Variants in CDH10 observed in about 807,000 individuals in gnomAD.
CDH10 encodes cadherin 10.
A neutral mutation model predicts 73.1 loss-of-function variants in CDH10; 30 were observed. The observed-to-expected ratio is 0.41, with a 90% CI of 0.31 to 0.56. CDH10 has a LOEUF of 0.56. Among genes scored for constraint, CDH10 ranks in the 20% least tolerant of loss-of-function variants. The pLI, the probability that CDH10 is intolerant of heterozygous loss-of-function variation, is 0.27. For synonymous variants in CDH10, 345 were observed against 348.2 expected, an observed-to-expected ratio of 0.99 and a Z score of 0.10; for missense variants, 815 against 973.7, an observed-to-expected ratio of 0.84 and a Z score of 2.17.
At chr5:24,544,398 A>G (rs1027783944) in intron 2 of CDH10, among the ~76,000 whole-genome samples, 2 of 152,196 alleles carry the variant, frequency 1.3e-5, no homozygotes, top group East Asian at 1.9e-4. Context: ...ATTTAAATTG[A>G]TAAGTACTTT....
At chr5:24,556,064 A>AT (rs1231872179) in intron 2 of CDH10, among the ~76,000 whole-genome samples, 5 of 152,160 alleles carry the variant, frequency 3.3e-5, no homozygotes, top group Non-Finnish European at 7.4e-5. Context: ...AATATAACTT[A>AT]TTGTTGAGAA....
intron 1 of CDH10, among the ~76,000 whole-genome samples, chr5:24,615,807 G>A (rs1345380139): frequency 3.3e-5 from 5 of 152,148 alleles, no homozygotes; most frequent in African/African-American, 1.2e-4. Context: ...AGTGACCAAA[G>A]CTGAGCACAG....
chr5:24,614,443 A>G (rs997626226), intron 1 of CDH10, among the ~76,000 whole-genome samples: 11 of 152,202 alleles, frequency 7.2e-5, no homozygotes, highest in African/African-American at 2.7e-4. Context: ...GAAAACACTA[A>G]TTGGGTGCAG....
At chr5:24,539,415 A>G (rs950869239) in intron 2 of CDH10, among the ~76,000 whole-genome samples, 3 of 151,778 alleles carry the variant, frequency 2.0e-5, no homozygotes, top group African/African-American at 7.3e-5. Context: ...AATATTTAAA[A>G]TAAATAAAAT....
At chr5:24,504,506 C>CTTTTTTTTTTT (rs70965605) in intron 8 of CDH10, among the ~76,000 whole-genome samples, 2 of 65,202 alleles carry the variant, frequency 3.1e-5, no homozygotes, top group Non-Finnish European at 5.9e-5. Flanking sequence ...TCCTATTAAT[C>CTTTTTTTTTTT]TTTTTTTTTT....
intron 2 of CDH10, among the ~76,000 whole-genome samples, chr5:24,587,312 C>A (rs540844539): frequency 6.6e-6 from 1 of 152,206 alleles, no homozygotes; most frequent in African/African-American, 2.4e-5. Context: ...CATTGATGAG[C>A]AAACACAATA....
intron 5 of CDH10, among the ~76,000 whole-genome samples, chr5:24,532,826 A>C (rs1229720332): frequency 6.6e-6 from 1 of 152,008 alleles, no homozygotes; most frequent in East Asian, 1.9e-4. Context: ...GGGTATAATA[A>C]TAGTAATGGT....
At position 24,593,464 on chromosome 5, in the gene CDH10, C is replaced by G. The variant is rs984515603; in HGVS notation, c.27G>C (p.Leu9=). The change falls in exon 2 of 12, where the codon CTG becomes CTC. Residue 9 remains leucine (L), a synonymous_variant. Transcript: ENST00000264463. ...GTGGCAGGCATACCCAGAATAGAAA[C>G]AGTAGCAAAAATTGATGTATTGTCA... MTIHQFLL[L]FLFWVCLPHF... is the part of the protein sequence containing the mutation. 7 of 1,605,142 alleles carry G rather than the reference C, an allele frequency of 4.4e-6. No homozygotes were observed. Among genetic ancestry groups the G allele is most frequent in the Non-Finnish European group, 5.1e-6 (6 of 1,172,258 alleles).
At chr5:24,615,481 G>C (rs936920552) in intron 1 of CDH10, among the ~76,000 whole-genome samples, 21 of 152,124 alleles carry the variant, frequency 1.4e-4, no homozygotes, top group African/African-American at 4.6e-4. Flanking sequence ...AGTTTTGATT[G>C]TTCCCTTGGG....
At chr5:24,562,604 A>T (rs1168056827) in intron 2 of CDH10, among the ~76,000 whole-genome samples, 2 of 152,224 alleles carry the variant, frequency 1.3e-5, no homozygotes, top group East Asian at 3.9e-4. Context: ...GCCACTGTAA[A>T]ACTTGATTGT....
At position 24,532,061 on chromosome 5, in the gene CDH10, C is replaced by G. The variant is rs114614150; in HGVS notation, c.814+3051G>C. 2.0e-5 allele frequency among the ~76,000 whole-genome samples: 3 copies of G among 151,952 alleles called. No individual in the cohort carries two copies. In the South Asian group the frequency reaches 6.2e-4, roughly 32 times the overall value. On this transcript the variant is annotated intron_variant, in intron 5 of 11. Coordinates refer to ENST00000264463, the MANE Select transcript of CDH10 (RefSeq NM_006727.5). ...ATGGCTAGGGAGGGCAAAATTATCACTGAATGAGAAACATTGTTATAAATC... is the reference window on the plus strand; with the variant it reads ...ATGGCTAGGGAGGGCAAAATTATCAGTGAATGAGAAACATTGTTATAAATC...
intron 2 of CDH10, among the ~76,000 whole-genome samples, chr5:24,574,046 G>A (rs887497125): frequency 1.1e-4 from 17 of 151,352 alleles, no homozygotes; most frequent in Admixed American, 8.6e-4. Context: ...CACCACACCC[G>A]GCTAATTTTT....
chr5:24,613,591 G>GTAT (rs1238803907), intron 1 of CDH10, among the ~76,000 whole-genome samples: 1 of 150,336 alleles, frequency 6.7e-6, no homozygotes, highest in Non-Finnish European at 1.5e-5. Context: ...GTCCTTGGAA[G>GTAT]TATTTGGGGC....
intron 5 of CDH10, among the ~76,000 whole-genome samples, chr5:24,531,120 C>T (rs1376918354): frequency 6.6e-6 from 1 of 151,960 alleles, no homozygotes; most frequent in East Asian, 1.9e-4. Context: ...TGGATTTCTC[C>T]CTCTATTGGT....
At chr5:24,591,038 T>A (rs980086337) in intron 2 of CDH10, among the ~76,000 whole-genome samples, 2 of 152,058 alleles carry the variant, frequency 1.3e-5, no homozygotes, top group African/African-American at 4.8e-5. Context: ...GATTTTAAGT[T>A]TTTTATACTT....
intron 2 of CDH10, among the ~76,000 whole-genome samples, chr5:24,565,304 T>A (rs896710312): frequency 6.6e-6 from 1 of 152,158 alleles, no homozygotes; most frequent in Non-Finnish European, 1.5e-5. Context: ...TAAATTAAGA[T>A]CACAGTACAC....
chr5:24,642,643 T>C (rs1449851396), intron 1 of CDH10, among the ~76,000 whole-genome samples: 1 of 152,158 alleles, frequency 6.6e-6, no homozygotes, highest in African/African-American at 2.4e-5. Flanking sequence ...AGCACTGTTC[T>C]AATTAATAAA....
chr5:24,603,993 A>T (rs904423059), intron 1 of CDH10, among the ~76,000 whole-genome samples: 23 of 152,240 alleles, frequency 1.5e-4, no homozygotes, highest in Non-Finnish European at 2.9e-5. Flanking sequence ...AGAATATACG[A>T]TCAAACAAAA....
intron 2 of CDH10, among the ~76,000 whole-genome samples, chr5:24,588,716 T>C (rs1020856851): frequency 6.6e-6 from 1 of 152,188 alleles, no homozygotes; most frequent in Non-Finnish European, 1.5e-5. Flanking sequence ...GCTTTATTGA[T>C]ATTTAAATTT....
Sources: gnomAD v4.1 joint callset for allele counts (sites outside exome capture counted in the v4.1 genomes callset) on GRCh38, gnomAD v4.1.1 for gene constraint, MANE v1.5 for transcripts, NCBI Gene and HGNC (gene_info 2026-07-23, HGNC 2026-07-21) for gene names.